The following PRKCQ variants were observed in gnomAD, a reference collection of about 807,000 sequenced individuals.
PRKCQ encodes protein kinase C theta type.
PRKCQ carries 41 observed loss-of-function variants against 91.2 expected under a neutral mutation model. That is an observed-to-expected ratio of 0.45 (90% confidence interval 0.35 to 0.58). The LOEUF (loss-of-function observed/expected upper bound fraction) is 0.58. PRKCQ is among the 20% of genes least tolerant of loss of function. The pLI, the probability that PRKCQ is intolerant of heterozygous loss-of-function variation, is 0.00. For synonymous variants in PRKCQ, 307 were observed against 316.9 expected, an observed-to-expected ratio of 0.97 and a Z score of 0.33; for missense variants, 673 against 896.5, an observed-to-expected ratio of 0.75 and a Z score of 3.18.
At chr10:6,547,218 C>T (rs1416840674) in intron 1 of PRKCQ, among the ~76,000 whole-genome samples, 1 of 152,028 alleles carries the variant, frequency 6.6e-6, no homozygotes, top group African/African-American at 2.4e-5. Flanking sequence ...AACCACTGCT[C>T]AATGAAATAA....
the PRKCQ span, among the ~76,000 whole-genome samples, chr10:6,411,924 C>G: frequency 6.6e-6 from 1 of 152,338 alleles, no homozygotes; most frequent in African/African-American, 2.4e-5. Context: ...TGGTCACACA[C>G]ACTTCTAAGT....
At chr10:6,518,916 T>C (rs895366735) in intron 1 of PRKCQ, among the ~76,000 whole-genome samples, 4 of 152,264 alleles carry the variant, frequency 2.6e-5, no homozygotes, top group Admixed American at 1.3e-4. Context: ...TATTACTTAA[T>C]GTTGGTAAGG....
At chr10:6,500,832 A>AGAAACACATTATT (rs1209463159) in intron 4 of PRKCQ, among the ~76,000 whole-genome samples, 3 of 152,208 alleles carry the variant, frequency 2.0e-5, no homozygotes, top group East Asian at 3.8e-4. Flanking sequence ...AGTGTGCTGA[A>AGAAACACATTATT]GAAACACATT....
intron 4 of PRKCQ, among the ~76,000 whole-genome samples, chr10:6,499,287 A>C (rs1020947500): frequency 1.3e-5 from 2 of 152,214 alleles, no homozygotes; most frequent in African/African-American, 4.8e-5. Flanking sequence ...TATTCATTTT[A>C]CTCTGGGCTC....
At chr10:6,462,469 G>T in intron 13 of PRKCQ, 104 bp from the exon 14 acceptor site, 1 of 920,324 alleles carries the variant, frequency 1.1e-6, no homozygotes, top group Non-Finnish European at 1.7e-6. Flanking sequence ...ATGGCTAAAT[G>T]GCATACACAC....
At position 6,505,502 on chromosome 10, in the gene PRKCQ, CTCCT is replaced by C. The variant is rs371911360; in HGVS notation, c.379+1930_379+1933del. ...CCTTCCTTCCTTCCCTCCCTCCCTC[CTCCT>C]TCCTTCCTTCCTTTTCTTTCTTTCT... On this transcript the variant is annotated intron_variant, in intron 4 of 17. Transcript: ENST00000263125. Among the ~76,000 whole-genome samples, 81 of 130,056 alleles carry C rather than the reference CTCCT, an allele frequency of 6.2e-4. 1 individual carries two copies. The highest frequency in any genetic ancestry group is 1.9e-3 in the African/African-American group (72 of 37,674). 85.3% of individuals were successfully genotyped at this position (130,056 alleles called of 152,430 possible).
the PRKCQ span, among the ~76,000 whole-genome samples, chr10:6,416,008 A>C: frequency 6.6e-6 from 1 of 152,018 alleles, no homozygotes; most frequent in Non-Finnish European, 1.5e-5. Flanking sequence ...CGACCTCTCA[A>C]AGTGCTGGGA....
chr10:6,476,313 C>CAAAAAAAAAAAAAAAAAAAGGGAAAAAAA (rs34526387), intron 12 of PRKCQ, among the ~76,000 whole-genome samples: 1 of 116,048 alleles, frequency 8.6e-6, no homozygotes. Context: ...ACATGCAAAT[C>CAAAAAAAAAAAAAAAAAAAGGGAAAAAAA]AAAAAAAAAA....
rs185432159 is a variant in PRKCQ at position 6,578,549 on chromosome 10, G to A, written c.-10+1662C>T. On this transcript the variant is annotated intron_variant, in intron 1 of 17. Transcript: ENST00000263125. ...ACAACTGAAAAACTTAGAGTGGATCGCTAACTTGCAGGAGCTGTGCAGCTT... is the reference window on the plus strand; with the variant it reads ...ACAACTGAAAAACTTAGAGTGGATCACTAACTTGCAGGAGCTGTGCAGCTT... 9.0e-4 allele frequency among the ~76,000 whole-genome samples: 137 copies of A among 152,306 alleles called. 4 individuals are homozygous for A. The highest frequency in any genetic ancestry group is 8.9e-3 in the Admixed American group (136 of 15,306).
the PRKCQ span, among the ~76,000 whole-genome samples, chr10:6,394,192 T>C: frequency 6.6e-6 from 1 of 152,256 alleles, no homozygotes; most frequent in Non-Finnish European, 1.5e-5. Flanking sequence ...TCTTTGGTGA[T>C]AAGCAGGGTG....
chr10:6,453,397 A>G (rs951766145), intron 15 of PRKCQ, among the ~76,000 whole-genome samples: 6 of 152,318 alleles, frequency 3.9e-5, no homozygotes, highest in Admixed American at 1.3e-4. Flanking sequence ...TTAGAATGGC[A>G]ATCATTAAAA....
At chr10:6,496,607 G>A (rs1837618265) in intron 7 of PRKCQ, among the ~76,000 whole-genome samples, 1 of 152,002 alleles carries the variant, frequency 6.6e-6, no homozygotes, top group Non-Finnish European at 1.5e-5. Context: ...TGGAAAAGTA[G>A]AGCAATGAAA....
At chr10:6,560,628 C>T (rs1840592989) in intron 1 of PRKCQ, among the ~76,000 whole-genome samples, 1 of 152,162 alleles carries the variant, frequency 6.6e-6, no homozygotes, top group African/African-American at 2.4e-5. Context: ...CTTACATACT[C>T]AGTGAATTGT....
chr10:6,462,390 A>G, intron 13 of PRKCQ, 25 bp from the exon 14 acceptor site: 1 of 1,608,184 alleles, frequency 6.2e-7, no homozygotes, highest in Non-Finnish European at 8.5e-7. Context: ...ACCAAGGTTC[A>G]ACATGAATGT....
chr10:6,496,936 G>T, intron 7 of PRKCQ, 99 bp downstream of exon 7: 1 of 1,052,212 alleles, frequency 9.5e-7, no homozygotes, highest in Non-Finnish European at 1.5e-6. Flanking sequence ...ATAAATGGGA[G>T]GATGCAAGTT....
chr10:6,562,650 G>C (rs934348246), intron 1 of PRKCQ, among the ~76,000 whole-genome samples: 2 of 152,192 alleles, frequency 1.3e-5, no homozygotes, highest in African/African-American at 4.8e-5. Flanking sequence ...ACATAAGTCA[G>C]TAGATAAGGT....
At chr10:6,537,100 T>A (rs943445) in intron 1 of PRKCQ, among the ~76,000 whole-genome samples, 65,793 of 151,988 alleles carry the variant, frequency 0.43, 15,243 homozygotes, top group African/African-American at 0.62. Flanking sequence ...CTGGTGGGGA[T>A]GCAGAAGAGG....
rs542413906 is a variant in PRKCQ at position 6,460,352 on chromosome 10, A to G, written c.1508+1951T>C. Among the ~76,000 whole-genome samples the G allele has an allele frequency of 3.9e-5, 6 of 152,070 alleles. No homozygotes were observed. The East Asian group carries it at 1.2e-3, about 29-fold the overall frequency. On this transcript the variant is annotated intron_variant, in intron 14 of 17. Transcript: ENST00000263125. ...ATTTACATGGTGACATGATAGAAAG[A>G]AGCTTTGTGACACAGGGAAATAAAA... is the stretch of plus-strand genomic sequence containing the variant.
the PRKCQ span, among the ~76,000 whole-genome samples, chr10:6,415,207 C>T: frequency 5.9e-5 from 9 of 151,590 alleles, no homozygotes; most frequent in Non-Finnish European, 1.0e-4. Flanking sequence ...CAGTGATCCA[C>T]CCGCCTCGGC....
Sources: allele counts gnomAD v4.1 joint callset (sites outside exome capture counted in the v4.1 genomes callset), GRCh38; gene constraint gnomAD v4.1.1; transcripts MANE v1.5; gene names NCBI Gene and HGNC (gene_info 2026-07-23, HGNC 2026-07-21).